Variants in LHFPL3 observed in about 807,000 individuals in gnomAD.
LHFPL3 encodes LHFPL tetraspan subfamily member 3 protein.
A neutral mutation model predicts 19.3 loss-of-function variants in LHFPL3; 5 were observed. That is an observed-to-expected ratio of 0.26 (90% CI 0.14 to 0.54). The LOEUF is 0.54. LHFPL3 is among the 20% of genes least tolerant of loss of function. The pLI is 0.94. For synonymous variants in LHFPL3, 133 were observed against 126.2 expected, an observed-to-expected ratio of 1.05 and a Z score of -0.36; for missense variants, 249 against 307.4, an observed-to-expected ratio of 0.81 and a Z score of 1.42.
At chr7:104,837,142 T>C (rs1791113641) in intron 2 of LHFPL3, among the ~76,000 whole-genome samples, 1 of 152,192 alleles carries the variant, frequency 6.6e-6, no homozygotes, top group Non-Finnish European at 1.5e-5. Context: ...ATTTTGCAAC[T>C]TAGTCTACTT....
At chr7:104,782,206 A>C (rs550016075) in intron 2 of LHFPL3, among the ~76,000 whole-genome samples, 4 of 152,176 alleles carry the variant, frequency 2.6e-5, no homozygotes, top group Non-Finnish European at 5.9e-5. Flanking sequence ...GTTCCTTTCC[A>C]TGCAGCCTCA....
chr7:104,437,326 G>A (rs891309428), intron 1 of LHFPL3, among the ~76,000 whole-genome samples: 2 of 152,134 alleles, frequency 1.3e-5, no homozygotes, highest in Non-Finnish European at 2.9e-5. Flanking sequence ...CAACAAATAA[G>A]TGGCTTCCTC....
intron 1 of LHFPL3, among the ~76,000 whole-genome samples, chr7:104,495,801 G>C (rs550969650): frequency 6.6e-6 from 1 of 152,236 alleles, no homozygotes; most frequent in East Asian, 1.9e-4. Context: ...GGGATTACAG[G>C]TGTGAGCCAC....
intron 1 of LHFPL3, among the ~76,000 whole-genome samples, chr7:104,488,771 G>A (rs1394059740): frequency 2.0e-5 from 3 of 152,200 alleles, no homozygotes; most frequent in Non-Finnish European, 4.4e-5. Context: ...CCACAAGGAC[G>A]CAGCATGTTG....
intron 1 of LHFPL3, among the ~76,000 whole-genome samples, chr7:104,626,390 A>G (rs1264556415): frequency 1.3e-5 from 2 of 152,212 alleles, no homozygotes; most frequent in African/African-American, 4.8e-5. Flanking sequence ...CAAATAAACC[A>G]AATTCCTCTG....
At chr7:104,394,737 G>T (rs1188407378) in intron 1 of LHFPL3, among the ~76,000 whole-genome samples, 4 of 149,764 alleles carry the variant, frequency 2.7e-5, no homozygotes, top group African/African-American at 4.9e-5. Context: ...GTCTTGCTCT[G>T]TTGTTCAGGC....
chr7:104,608,937 G>A (rs941059807), intron 1 of LHFPL3, among the ~76,000 whole-genome samples: 8 of 152,122 alleles, frequency 5.3e-5, no homozygotes, highest in Admixed American at 4.6e-4. Flanking sequence ...AATAAAGCAT[G>A]GAGACCAATG....
At chr7:104,501,181 C>A (rs1793592365) in intron 1 of LHFPL3, among the ~76,000 whole-genome samples, 1 of 152,142 alleles carries the variant, frequency 6.6e-6, no homozygotes, top group African/African-American at 2.4e-5. Flanking sequence ...TTTGGTGTAT[C>A]CTTTTGAATT....
At chr7:104,527,805 G>A (rs1335800507) in intron 1 of LHFPL3, among the ~76,000 whole-genome samples, 1 of 152,124 alleles carries the variant, frequency 6.6e-6, no homozygotes, top group African/African-American at 2.4e-5. Flanking sequence ...AATACAGAGG[G>A]AAATTCACTT....
At chr7:104,529,645 A>G (rs146042992) in intron 1 of LHFPL3, among the ~76,000 whole-genome samples, 166 of 152,300 alleles carry the variant, frequency 1.1e-3, no homozygotes, top group African/African-American at 3.6e-3. Context: ...CTCTTTCTCT[A>G]CATAAGACAG....
At chr7:104,677,451 T>TA (rs1792612584) in intron 1 of LHFPL3, among the ~76,000 whole-genome samples, 1 of 151,722 alleles carries the variant, frequency 6.6e-6, no homozygotes, top group Admixed American at 6.6e-5. Flanking sequence ...GCCTAGAAAA[T>TA]AGACTGGAAG....
intron 1 of LHFPL3, among the ~76,000 whole-genome samples, chr7:104,477,823 GAA>G (rs1472393276): frequency 1.3e-5 from 2 of 152,012 alleles, no homozygotes; most frequent in African/African-American, 4.8e-5. Flanking sequence ...AATACATAAA[GAA>G]AAGTTTCACT....
At chr7:104,663,307 A>G (rs796466373) in intron 1 of LHFPL3, among the ~76,000 whole-genome samples, 15 of 152,352 alleles carry the variant, frequency 9.8e-5, no homozygotes, top group African/African-American at 3.6e-4. Flanking sequence ...CAAACAGCCA[A>G]CATATTAAAA....
chr7:104,630,723 AC>A (rs1277648497), intron 1 of LHFPL3, among the ~76,000 whole-genome samples: 3 of 152,186 alleles, frequency 2.0e-5, no homozygotes, highest in Non-Finnish European at 2.9e-5. Flanking sequence ...GCAGAAAAAC[AC>A]ACAGTAGCTT....
intron 2 of LHFPL3, among the ~76,000 whole-genome samples, chr7:104,739,600 T>G (rs879106034): frequency 6.6e-6 from 1 of 152,186 alleles, no homozygotes; most frequent in Non-Finnish European, 1.5e-5. Context: ...TATTTTTTTT[T>G]GCTGCTGTTC....
At chr7:104,692,326 G>C (rs73181859) in intron 1 of LHFPL3, among the ~76,000 whole-genome samples, 11,870 of 152,314 alleles carry the variant, frequency 0.078, 668 homozygotes, top group Non-Finnish European at 0.12. Context: ...ATTTGCTGAA[G>C]TAACAAAGAG....
chr7:104,358,045 G>T (rs1790317353), intron 1 of LHFPL3, among the ~76,000 whole-genome samples: 1 of 152,164 alleles, frequency 6.6e-6, no homozygotes, highest in African/African-American at 2.4e-5. Flanking sequence ...TTACAGCAAT[G>T]GCGGAAGGGA....
At chr7:104,509,684 G>A (rs1793772695) in intron 1 of LHFPL3, among the ~76,000 whole-genome samples, 1 of 152,052 alleles carries the variant, frequency 6.6e-6, no homozygotes, top group Non-Finnish European at 1.5e-5. Flanking sequence ...GCAAGGCAAG[G>A]ATGTCTACTC....
chr7:104,641,792 C>T (rs1163364250), intron 1 of LHFPL3, among the ~76,000 whole-genome samples: 2 of 152,078 alleles, frequency 1.3e-5, no homozygotes, highest in East Asian at 1.9e-4. Context: ...CAGAAAGATT[C>T]GGTTCTATCA....
Sources: gnomAD v4.1 joint callset for allele counts (sites outside exome capture counted in the v4.1 genomes callset) on GRCh38, gnomAD v4.1.1 for gene constraint, MANE v1.5 for transcripts, NCBI Gene and HGNC (gene_info 2026-07-23, HGNC 2026-07-21) for gene names.